The following ABCB1 variants were observed in gnomAD, a reference collection of about 807,000 sequenced individuals.
The protein encoded by ABCB1 is ATP-dependent translocase ABCB1.
ABCB1 carries 69 observed loss-of-function variants against 142.0 expected under a neutral mutation model. That is an observed-to-expected ratio of 0.49 (90% confidence interval 0.40 to 0.59). The LOEUF (loss-of-function observed/expected upper bound fraction) is 0.59, where lower values mean the gene tolerates loss of function less well. Among genes scored for constraint, ABCB1 ranks in the 20% least tolerant of loss-of-function variants. The pLI, the probability that ABCB1 is intolerant of heterozygous loss-of-function variation, is 0.00. For synonymous variants in ABCB1, 532 were observed against 539.2 expected, an observed-to-expected ratio of 0.99 and a Z score of 0.18; for missense variants, 1,326 against 1,554.7, an observed-to-expected ratio of 0.85 and a Z score of 2.47.
At chr7:87,546,720 C>A (rs28381907) in intron 14 of ABCB1, among the ~76,000 whole-genome samples, 1 of 152,156 alleles carries the variant, frequency 6.6e-6, no homozygotes, top group East Asian at 1.9e-4. Flanking sequence ...ATATCCTATC[C>A]CGCATGACCC....
intron 7 of ABCB1, among the ~76,000 whole-genome samples, chr7:87,561,764 TTG>T (rs1382770156): frequency 1.3e-5 from 2 of 152,168 alleles, no homozygotes; most frequent in Non-Finnish European, 2.9e-5. Context: ...AGATGAATAA[TTG>T]CTTGAGCCCA....
At position 87,567,823 on chromosome 7, in the gene ABCB1, G is replaced by T. The variant is rs747058375; in HGVS notation, c.339-847C>A. On this transcript the variant is annotated intron_variant, in intron 5 of 27. Transcript: ENST00000622132. ...TTAAAAAAGCAAACAGGCCAGGCGT[G>T]GTGGCTCACGCCTATAATCCCAGCA... Among the ~76,000 whole-genome samples, 278 of 152,208 alleles carry T rather than the reference G, an allele frequency of 1.8e-3. 5 individuals are homozygous for T. The highest frequency in any genetic ancestry group is 3.8e-4 in the Non-Finnish European group (26 of 68,020).
chr7:87,701,698 T>C (rs1829051686), intron 1 of ABCB1, among the ~76,000 whole-genome samples: 1 of 152,320 alleles, frequency 6.6e-6, no homozygotes, highest in South Asian at 2.1e-4. Context: ...CTGAAAAGAC[T>C]ATTAAAAGAT....
At chr7:87,521,866 A>G (rs942212309) in intron 21 of ABCB1, 10 of 773,096 alleles carry the variant, frequency 1.3e-5, no homozygotes, top group Non-Finnish European at 2.1e-5. Context: ...AGTGATTGAA[A>G]TCATGACTGA....
chr7:87,538,141 G>A (rs1397095135), intron 19 of ABCB1, among the ~76,000 whole-genome samples: 1 of 152,182 alleles, frequency 6.6e-6, no homozygotes, highest in East Asian at 1.9e-4. Flanking sequence ...ATTTATGGAG[G>A]AGACATTCCA....
At chr7:87,657,469 C>G (rs994137446) in intron 1 of ABCB1, among the ~76,000 whole-genome samples, 2 of 152,118 alleles carry the variant, frequency 1.3e-5, no homozygotes, top group African/African-American at 4.8e-5. Context: ...AGAATTCCGC[C>G]CTCCTGAGGC....
intron 1 of ABCB1, among the ~76,000 whole-genome samples, chr7:87,686,490 T>A (rs1827471381): frequency 6.6e-6 from 1 of 152,162 alleles, no homozygotes; most frequent in South Asian, 2.1e-4. Flanking sequence ...GTGACTTTGA[T>A]TATTTATGGA....
chr7:87,545,908 T>G lies in ABCB1; in HGVS notation c.1842A>C (p.Glu614Asp), dbSNP rs767011913. The G allele has an allele frequency of 5.0e-6, 8 of 1,614,140 alleles. No homozygotes were observed. Among genetic ancestry groups the G allele is most frequent in the Non-Finnish European group, 6.8e-6 (8 of 1,179,980 alleles). ...AGTAAATGCCTTTCTCTTTCATGAG[T>G]TCATCATGATTTCCTTTCTCCACAA... is the stretch of plus-strand genomic sequence containing the variant. ...GVIVEKGNHD[E>D]LMKEKGIYFK... The change falls in exon 15 of 28, where the codon GAA becomes GAC. Residue 614 changes from glutamate (E) to aspartate (D), a missense_variant. Physicochemically the swap from Glu to Asp is conservative, Grantham distance 45. Coordinates refer to ENST00000622132, the MANE Select transcript of ABCB1 (RefSeq NM_001348946.2).
At chr7:87,697,500 A>G (rs1247283315) in intron 1 of ABCB1, among the ~76,000 whole-genome samples, 1 of 152,202 alleles carries the variant, frequency 6.6e-6, no homozygotes, top group Non-Finnish European at 1.5e-5. Flanking sequence ...ATGGTTGATG[A>G]TGGGAGTAAA....
At chr7:87,694,629 T>A (rs1338919303) in intron 1 of ABCB1, among the ~76,000 whole-genome samples, 2 of 152,216 alleles carry the variant, frequency 1.3e-5, no homozygotes, top group Non-Finnish European at 2.9e-5. Flanking sequence ...TAATCACTAC[T>A]GACACACATT....
intron 1 of ABCB1, among the ~76,000 whole-genome samples, chr7:87,635,082 T>C (rs980548962): frequency 6.6e-6 from 1 of 152,234 alleles, no homozygotes; most frequent in Non-Finnish European, 1.5e-5. Flanking sequence ...TGCTGCTTGA[T>C]AATTGTCAAA....
At chr7:87,649,812 A>G (rs1585001049) in intron 1 of ABCB1, among the ~76,000 whole-genome samples, 1 of 152,250 alleles carries the variant, frequency 6.6e-6, no homozygotes, top group Middle Eastern at 3.4e-3. Flanking sequence ...GGCCTTTCCC[A>G]TGCTGTTCTT....
chr7:87,571,377 T>G (rs1403946907), intron 4 of ABCB1, among the ~76,000 whole-genome samples: 1 of 152,140 alleles, frequency 6.6e-6, no homozygotes, highest in Admixed American at 6.5e-5. Flanking sequence ...AAATAGGATA[T>G]AATTAGAAGT....
intron 19 of ABCB1, among the ~76,000 whole-genome samples, chr7:87,538,078 G>C (rs1816374899): frequency 6.6e-6 from 1 of 152,164 alleles, no homozygotes; most frequent in African/African-American, 2.4e-5. Context: ...ACAATACTAA[G>C]TACTAGACCT....
intron 1 of ABCB1, among the ~76,000 whole-genome samples, chr7:87,652,011 T>A (rs529045668): frequency 1.9e-3 from 282 of 152,248 alleles, no homozygotes; most frequent in African/African-American, 6.5e-3. Context: ...TTACCTTTTA[T>A]AAGAAAATAA....
At chr7:87,662,075 C>A (rs1437450862) in intron 1 of ABCB1, among the ~76,000 whole-genome samples, 1 of 152,010 alleles carries the variant, frequency 6.6e-6, no homozygotes, top group Admixed American at 6.6e-5. Flanking sequence ...CTATTCTGAT[C>A]TTTTGCCCAT....
intron 4 of ABCB1, among the ~76,000 whole-genome samples, chr7:87,575,862 G>C (rs1392636222): frequency 6.6e-6 from 1 of 152,284 alleles, no homozygotes; most frequent in East Asian, 1.9e-4. Context: ...AAAAGACCAA[G>C]TGCTGGCATT....
chr7:87,575,596 T>G (rs1020143116), intron 4 of ABCB1, among the ~76,000 whole-genome samples: 2 of 152,200 alleles, frequency 1.3e-5, no homozygotes, highest in East Asian at 3.8e-4. Flanking sequence ...ACTCTTCTTG[T>G]GCAGAAAGCT....
At chr7:87,586,076 C>G (rs1003144804) in intron 3 of ABCB1, among the ~76,000 whole-genome samples, 3 of 152,120 alleles carry the variant, frequency 2.0e-5, no homozygotes, top group Non-Finnish European at 4.4e-5. Flanking sequence ...CTGAGGATAC[C>G]ATGGAGGAAA....
Sources: gnomAD v4.1 joint callset for allele counts (sites outside exome capture counted in the v4.1 genomes callset) on GRCh38, gnomAD v4.1.1 for gene constraint, MANE v1.5 for transcripts, NCBI Gene and HGNC (gene_info 2026-07-23, HGNC 2026-07-21) for gene names.